Variants in MAP4K5 observed in about 807,000 individuals in gnomAD.
The protein encoded by MAP4K5 is MAPK/ERK kinase kinase kinase 5.
Under a neutral mutation model 135.6 loss-of-function variants are expected in MAP4K5, and 82 were observed. The ratio of observed to expected loss-of-function variants is 0.60; its 90% CI spans 0.51 to 0.73. MAP4K5 has a LOEUF of 0.73. Among genes scored for constraint, MAP4K5 ranks in the 30% least tolerant of loss-of-function variants. The probability of loss-of-function intolerance (pLI) is 0.00; values close to 1 mark genes in which losing one functional copy is unlikely to be tolerated. For synonymous variants in MAP4K5, 347 were observed against 335.0 expected (o/e 1.04, Z -0.39); for missense variants, 907 against 1,010.9 (o/e 0.90, Z 1.39).
At chr14:50,500,473 G>A (rs2037685203) in intron 3 of MAP4K5, among the ~76,000 whole-genome samples, 1 of 152,216 alleles carries the variant, frequency 6.6e-6, no homozygotes, top group African/African-American at 2.4e-5. Flanking sequence ...GCATAGTAGA[G>A]TAGGCAGAAA....
At chr14:50,479,584 C>G (rs2037191714) in intron 6 of MAP4K5, among the ~76,000 whole-genome samples, 1 of 152,110 alleles carries the variant, frequency 6.6e-6, no homozygotes, top group African/African-American at 2.4e-5. Flanking sequence ...TTTATACCTT[C>G]CATATCTCAA....
At chr14:50,466,943 GCA>G (rs2036846588) in intron 10 of MAP4K5, among the ~76,000 whole-genome samples, 1 of 152,038 alleles carries the variant, frequency 6.6e-6, no homozygotes, top group Admixed American at 6.6e-5. Context: ...TATATCTTAA[GCA>G]CATGTCTATA....
At chr14:50,459,079 C>T (rs577215585) in intron 13 of MAP4K5, among the ~76,000 whole-genome samples, 3 of 152,284 alleles carry the variant, frequency 2.0e-5, no homozygotes, top group Admixed American at 1.3e-4. Context: ...TCCTAAACTA[C>T]TGGGATTACA....
rs576266982 is a variant in MAP4K5 at position 50,445,404 on chromosome 14, CTAATA to C, written c.1186-215_1186-211del. Among the ~76,000 whole-genome samples, 1,295 of 152,034 alleles carry C rather than the reference CTAATA, an allele frequency of 8.5e-3. 57 individuals are homozygous for C. The highest frequency in any genetic ancestry group is 0.08 in the Admixed American group (1,217 of 15,278). The stretch of plus-strand genomic sequence containing the variant: ...CTTAAAACTGATAAAATTTTTATAA[CTAATA>C]TAATTATATAAAAATCCACAAAACA... On this transcript the variant is annotated intron_variant, in intron 17 of 32. Coordinates refer to ENST00000682126, the MANE Select transcript of MAP4K5 (RefSeq NM_006575.6).
intron 2 of MAP4K5, among the ~76,000 whole-genome samples, chr14:50,539,580 G>A (rs2038535791): frequency 6.6e-6 from 1 of 152,194 alleles, no homozygotes; most frequent in Non-Finnish European, 1.5e-5. Context: ...TGGTGGAGAT[G>A]GCCTAGAACC....
At chr14:50,425,539 A>G (rs540098568) in intron 31 of MAP4K5, among the ~76,000 whole-genome samples, 4 of 152,316 alleles carry the variant, frequency 2.6e-5, no homozygotes, top group Admixed American at 6.5e-5. Context: ...CTTATGCTCC[A>G]TTATGTATTA....
intron 3 of MAP4K5, among the ~76,000 whole-genome samples, chr14:50,487,334 C>A (rs938096625): frequency 6.6e-6 from 1 of 150,842 alleles, no homozygotes; most frequent in Admixed American, 6.6e-5. Flanking sequence ...AAAACCCATA[C>A]ATACATTTAG....
At chr14:50,460,244 A>C (rs1425303075) in intron 13 of MAP4K5, among the ~76,000 whole-genome samples, 1 of 152,122 alleles carries the variant, frequency 6.6e-6, no homozygotes, top group Non-Finnish European at 1.5e-5. Context: ...ATTCGTTGGT[A>C]CTTCTGAATT....
rs1170646133 is a variant in MAP4K5 at position 50,446,311 on chromosome 14, A to G, written c.1143-190T>C. Reference sequence around the variant, plus strand: ...TTGTCAAATTGTATGTCTATAAAATAAAGATTTTAAAAAGTGGACACAAAG... The same window carrying G: ...TTGTCAAATTGTATGTCTATAAAATGAAGATTTTAAAAAGTGGACACAAAG... On this transcript the variant is annotated intron_variant, in intron 16 of 32. Transcript: ENST00000682126. Among the ~76,000 whole-genome samples the G allele has an allele frequency of 2.6e-5, 4 of 152,302 alleles. No homozygotes were observed. In the East Asian group the frequency reaches 5.8e-4, roughly 22 times the overall value.
chr14:50,470,470 T>C (rs2036932137), intron 9 of MAP4K5, among the ~76,000 whole-genome samples: 1 of 152,162 alleles, frequency 6.6e-6, no homozygotes, highest in African/African-American at 2.4e-5. Flanking sequence ...CTATAGGTTA[T>C]CTAACTCACC....
chr14:50,525,173 G>A (rs941146348), intron 2 of MAP4K5, among the ~76,000 whole-genome samples: 3 of 152,122 alleles, frequency 2.0e-5, no homozygotes, highest in Admixed American at 1.3e-4. Flanking sequence ...AAGGCCAGAG[G>A]TGCATTTCCT....
At chr14:50,551,001 A>C (rs1199849077) in intron 1 of MAP4K5, among the ~76,000 whole-genome samples, 2 of 152,000 alleles carry the variant, frequency 1.3e-5, no homozygotes, top group African/African-American at 2.4e-5. Flanking sequence ...CCAAACCCAA[A>C]CCCAGCAGAA....
chr14:50,554,250 C>T (rs772048106), intron 1 of MAP4K5, among the ~76,000 whole-genome samples: 19 of 152,112 alleles, frequency 1.2e-4, no homozygotes, highest in Non-Finnish European at 2.4e-4. Context: ...CCCGATTAAG[C>T]TTCTTTGACT....
intron 32 of MAP4K5, 118 bp downstream of exon 32, chr14:50,422,999 AATGT>A: frequency 2.0e-6 from 1 of 509,774 alleles, no homozygotes; most frequent in Non-Finnish European, 3.6e-6. Flanking sequence ...GACACAGAGA[AATGT>A]ATCTAAGTCA....
intron 2 of MAP4K5, among the ~76,000 whole-genome samples, chr14:50,539,079 C>A (rs2038529548): frequency 6.6e-6 from 1 of 152,214 alleles, no homozygotes; most frequent in Non-Finnish European, 1.5e-5. Context: ...TAGAATTAGT[C>A]TCAGAAAAGA....
intron 17 of MAP4K5, among the ~76,000 whole-genome samples, 154 bp downstream of exon 17, chr14:50,445,925 T>A (rs2036336813): frequency 6.6e-6 from 1 of 152,188 alleles, no homozygotes; most frequent in Non-Finnish European, 1.5e-5. Context: ...TCTTCTTTAC[T>A]ATATATTTTA....
intron 9 of MAP4K5, among the ~76,000 whole-genome samples, chr14:50,474,175 T>G (rs1215802464): frequency 5.9e-5 from 9 of 152,026 alleles, no homozygotes; most frequent in Admixed American, 2.0e-4. Flanking sequence ...GGTAGATCAC[T>G]TGAGTTTTAG....
At chr14:50,528,809 T>C (rs1483214436) in intron 2 of MAP4K5, among the ~76,000 whole-genome samples, 1 of 152,192 alleles carries the variant, frequency 6.6e-6, no homozygotes, top group Admixed American at 6.5e-5. Flanking sequence ...TATCCTACAT[T>C]GAAAATACTT....
At chr14:50,549,672 A>G (rs1200880527) in intron 1 of MAP4K5, among the ~76,000 whole-genome samples, 1 of 152,164 alleles carries the variant, frequency 6.6e-6, no homozygotes, top group Non-Finnish European at 1.5e-5. Flanking sequence ...GCTCCCATTC[A>G]TGGGCCACGA....
Sources: allele counts gnomAD v4.1 joint callset (sites outside exome capture counted in the v4.1 genomes callset), GRCh38; gene constraint gnomAD v4.1.1; transcripts MANE v1.5; gene names NCBI Gene and HGNC (gene_info 2026-07-23, HGNC 2026-07-21).